ATP6V1C2: variants seen among roughly 807,000 people sequenced by gnomAD.
ATP6V1C2 encodes V-type proton ATPase subunit C 2.
A neutral mutation model predicts 56.8 loss-of-function variants in ATP6V1C2; 45 were observed. The observed-to-expected ratio is 0.79, with a 90% CI of 0.62 to 1.02. The LOEUF (loss-of-function observed/expected upper bound fraction) is 1.02, where lower values mean the gene tolerates loss of function less well. ATP6V1C2 is among the 50% of genes least tolerant of loss of function. The pLI is 0.00. For synonymous variants in ATP6V1C2, 220 were observed against 201.3 expected, an observed-to-expected ratio of 1.09 and a Z score of -0.79; for missense variants, 463 against 519.7, an observed-to-expected ratio of 0.89 and a Z score of 1.06.
chr2:10,759,774 A>G (rs1572567785), intron 4 of ATP6V1C2, among the ~76,000 whole-genome samples: 2 of 151,944 alleles, frequency 1.3e-5, no homozygotes, highest in South Asian at 4.2e-4. Context: ...AGAGGTCTCA[A>G]TCTGTCAACT....
At chr2:10,732,967 C>CAAA (rs34565390) in intron 3 of ATP6V1C2, among the ~76,000 whole-genome samples, 23 of 126,118 alleles carry the variant, frequency 1.8e-4, no homozygotes, top group East Asian at 8.7e-4. Context: ...AAGACTGTCT[C>CAAA]AAAAAAAAAA....
chr2:10,736,557 C>T (rs564641723), intron 3 of ATP6V1C2, among the ~76,000 whole-genome samples: 13 of 152,228 alleles, frequency 8.5e-5, no homozygotes, highest in African/African-American at 3.1e-4. Flanking sequence ...CTTTTTAATA[C>T]ATTGATCAAT....
chr2:10,723,507 C>T (rs1427255332), intron 2 of ATP6V1C2, among the ~76,000 whole-genome samples: 1 of 151,936 alleles, frequency 6.6e-6, no homozygotes, highest in Admixed American at 6.6e-5. Flanking sequence ...TCTAAGGGTT[C>T]TTGGAGTGGA....
chr2:10,728,011 T>C (rs192835896), intron 3 of ATP6V1C2, among the ~76,000 whole-genome samples: 1 of 152,312 alleles, frequency 6.6e-6, no homozygotes, highest in Admixed American at 6.5e-5. Flanking sequence ...AGGTAAGCCT[T>C]CCAGAGATAG....
chr2:10,730,234 G>C (rs1661876614), intron 3 of ATP6V1C2, among the ~76,000 whole-genome samples: 1 of 152,122 alleles, frequency 6.6e-6, no homozygotes, highest in Non-Finnish European at 1.5e-5. Context: ...TCCTGCTTCA[G>C]TCTTCCAAGT....
At chr2:10,779,707 A>AAAAAAAG (rs746755191) in intron 12 of ATP6V1C2, among the ~76,000 whole-genome samples, 3 of 145,066 alleles carry the variant, frequency 2.1e-5, no homozygotes, top group Non-Finnish European at 1.5e-5. Context: ...AAAAAAAAAA[A>AAAAAAAG]CTTCACTGTG....
chr2:10,749,939 C>A (rs1349799036), intron 3 of ATP6V1C2, among the ~76,000 whole-genome samples: 3 of 152,130 alleles, frequency 2.0e-5, no homozygotes, highest in East Asian at 3.9e-4. Context: ...AATGAGGAAC[C>A]AGTCTTCTCC....
At chr2:10,721,399 C>A (rs1026646820), upstream of ATP6V1C2, among the ~76,000 whole-genome samples, 2 of 152,112 alleles carry the variant, frequency 1.3e-5, no homozygotes, top group African/African-American at 2.4e-5. Flanking sequence ...GGCAGGAGAC[C>A]CCGTGGGACG....
At chr2:10,772,021 C>G (rs780511786) in intron 7 of ATP6V1C2, 84 bp downstream of exon 7, 3 of 1,200,624 alleles carry the variant, frequency 2.5e-6, no homozygotes, top group Non-Finnish European at 3.7e-6. Context: ...GCAGTGTGGA[C>G]GAGGATGCTC....
intron 4 of ATP6V1C2, among the ~76,000 whole-genome samples, chr2:10,757,714 T>C (rs1367276800): frequency 6.6e-6 from 1 of 152,258 alleles, no homozygotes; most frequent in Non-Finnish European, 1.5e-5. Context: ...TTTGACCTTG[T>C]GGAGTTCAAG....
chr2:10,770,779 TCCC>T (rs1664549575), intron 6 of ATP6V1C2, among the ~76,000 whole-genome samples: 2 of 152,238 alleles, frequency 1.3e-5, no homozygotes, highest in Admixed American at 1.3e-4. Context: ...CGTTTCTAAC[TCCC>T]TCCTCTGCGC....
Position 10,738,121 on chromosome 2 carries a change from A to T in ATP6V1C2, c.197+11552A>T, listed in dbSNP as rs1178620753. Among the ~76,000 whole-genome samples, 4 of 152,136 alleles carry T rather than the reference A, an allele frequency of 2.6e-5. No individual in the cohort carries two copies. In the East Asian group the frequency reaches 7.7e-4, roughly 29 times the overall value. ...ATCTCTATTTTGGTAACTGCCATGG[A>T]TGGATAAATGAGAATATTGTTGTTT... On this transcript the variant is annotated intron_variant, in intron 3 of 13. Coordinates refer to ENST00000272238, the MANE Select transcript of ATP6V1C2 (RefSeq NM_001039362.2).
At chr2:10,749,174 A>C (rs1663079996) in intron 3 of ATP6V1C2, among the ~76,000 whole-genome samples, 2 of 151,718 alleles carry the variant, frequency 1.3e-5, no homozygotes, top group African/African-American at 4.8e-5. Flanking sequence ...AAAACACCTA[A>C]AAAATTATAT....
intron 7 of ATP6V1C2, 30 bp downstream of exon 7, chr2:10,771,967 G>T (rs374544202): frequency 6.3e-7 from 1 of 1,589,958 alleles, no homozygotes; most frequent in Admixed American, 1.7e-5. Flanking sequence ...GAAGGAAACC[G>T]GCCCTGCCCA....
chr2:10,773,756 G>A (rs1201477430), intron 8 of ATP6V1C2, among the ~76,000 whole-genome samples: 4 of 152,188 alleles, frequency 2.6e-5, no homozygotes, highest in South Asian at 2.1e-4. Context: ...TAGAATGCGC[G>A]TCAGGCAGCC....
At chr2:10,764,699 C>T (rs1453571511) in intron 5 of ATP6V1C2, among the ~76,000 whole-genome samples, 1 of 152,188 alleles carries the variant, frequency 6.6e-6, no homozygotes, top group Non-Finnish European at 1.5e-5. Flanking sequence ...TGGCCGGGCA[C>T]GGTGGCTTAC....
At chr2:10,775,913 G>A (rs890554859) in intron 10 of ATP6V1C2, among the ~76,000 whole-genome samples, 7 of 152,124 alleles carry the variant, frequency 4.6e-5, no homozygotes, top group East Asian at 1.9e-4. Context: ...GAAAGTTCTT[G>A]AGGCCTTTGG....
intron 5 of ATP6V1C2, among the ~76,000 whole-genome samples, chr2:10,766,077 T>C (rs1028602708): frequency 1.3e-5 from 2 of 152,184 alleles, no homozygotes; most frequent in Non-Finnish European, 2.9e-5. Context: ...ATCCAGGACC[T>C]GCAGCGGTTG....
At chr2:10,771,188 C>T (rs1389133021) in intron 6 of ATP6V1C2, among the ~76,000 whole-genome samples, 1 of 152,190 alleles carries the variant, frequency 6.6e-6, no homozygotes, top group Non-Finnish European at 1.5e-5. Flanking sequence ...CGCTGGAGAG[C>T]GATTTCCCGG....
Sources: allele counts gnomAD v4.1 joint callset (sites outside exome capture counted in the v4.1 genomes callset), GRCh38; gene constraint gnomAD v4.1.1; transcripts MANE v1.5; gene names NCBI Gene and HGNC (gene_info 2026-07-23, HGNC 2026-07-21).